Variants in PDS5B observed in about 807,000 individuals in gnomAD.
PDS5B encodes sister chromatid cohesion protein PDS5 homolog B.
Under a neutral mutation model 184.1 loss-of-function variants are expected in PDS5B, and 51 were observed. That is an observed-to-expected ratio of 0.28 (90% CI 0.22 to 0.35). PDS5B has a LOEUF of 0.35. Ranked by LOEUF, PDS5B falls within the 10% of genes least tolerant of loss-of-function variation. The pLI is 1.00. For missense variants in PDS5B, 1,180 were observed against 1,723.3 expected, an observed-to-expected ratio of 0.68 and a Z score of 5.58; for synonymous variants, 566 against 569.2, an observed-to-expected ratio of 0.99 and a Z score of 0.08.
At chr13:32,658,667 CAT>C (rs1950574343) in intron 5 of PDS5B, 136 bp downstream of exon 5, 3 of 545,742 alleles carry the variant, frequency 5.5e-6, no homozygotes, top group Admixed American at 3.6e-5. Flanking sequence ...TATTTTTATA[CAT>C]GTTTCAAAAA....
chr13:32,697,298 A>G (rs1951734115), intron 15 of PDS5B, among the ~76,000 whole-genome samples: 2 of 152,224 alleles, frequency 1.3e-5, no homozygotes, highest in African/African-American at 2.4e-5. Flanking sequence ...AGTAAATGCA[A>G]AAGGATTATG....
At position 32,721,249 on chromosome 13, in the gene PDS5B, G is replaced by A. The variant is rs1002686154; in HGVS notation, c.2124-10852G>A. On this transcript the variant is annotated intron_variant, in intron 19 of 34. Transcript: ENST00000315596. The stretch of plus-strand genomic sequence containing the variant: ...AGAGGCGACCCCCACCTCCCAGACG[G>A]GGTGGCTGCCGGGCGGGGGCGCCCC... Among the ~76,000 whole-genome samples, 3 of 151,666 alleles carry A rather than the reference G, an allele frequency of 2.0e-5. 1 individual carries two copies. Among genetic ancestry groups the A allele is most frequent in the Admixed American group, 2.0e-4 (3 of 15,252 alleles).
intron 19 of PDS5B, among the ~76,000 whole-genome samples, chr13:32,717,799 TTC>T (rs976526311): frequency 1.3e-5 from 2 of 149,966 alleles, no homozygotes; most frequent in Non-Finnish European, 3.0e-5. Flanking sequence ...GGAATTCTAA[TTC>T]TTTTAATTGT....
Position 32,770,567 on chromosome 13 carries a change from A to G in PDS5B, c.4064+7A>G. On this transcript the variant is annotated splice_region_variant and intron_variant, in intron 32 of 34. Coordinates refer to ENST00000315596, the MANE Select transcript of PDS5B (RefSeq NM_015032.4). ...CAAGGAGAGCACAGCAGAGGTAAGC[A>G]TGTGTAACTCTAAACTGCATCTGTT... is the stretch of plus-strand genomic sequence containing the variant. 4 of 1,603,684 alleles carry G rather than the reference A, an allele frequency of 2.5e-6. No individual in the cohort carries two copies. Among genetic ancestry groups the G allele is most frequent in the Non-Finnish European group, 3.4e-6 (4 of 1,176,848 alleles).
chr13:32,723,137 A>G (rs1366631050), intron 19 of PDS5B, among the ~76,000 whole-genome samples: 2 of 149,002 alleles, frequency 1.3e-5, no homozygotes, highest in African/African-American at 5.2e-5. Context: ...ACTGAGAGCT[A>G]TGTGACTGTT....
intron 19 of PDS5B, among the ~76,000 whole-genome samples, chr13:32,727,581 T>C (rs930231130): frequency 6.6e-6 from 1 of 152,120 alleles, no homozygotes; most frequent in Non-Finnish European, 1.5e-5. Context: ...GAATATAATT[T>C]TAGGTTTACA....
At position 32,741,088 on chromosome 13, in the gene PDS5B, G is replaced by T; in HGVS notation, c.2415G>T (p.Gly805=). Residue 805 remains glycine (G), a synonymous_variant, in exon 22 of 35, where the codon GGG becomes GGT. Coordinates refer to ENST00000315596, the MANE Select transcript of PDS5B (RefSeq NM_015032.4). The part of the protein sequence containing the change: ...KDLLMNDRLP[G]KKTTKLWVPD... ...TTCTCGTTTATTTTTAGCTTCCAGG[G>T]AAAAAGACAACTAAACTTTGGGTTC... The T allele has an allele frequency of 6.4e-7, 1 of 1,556,564 alleles. No individual in the cohort carries two copies. Among genetic ancestry groups the T allele is most frequent in the South Asian group, 1.2e-5 (1 of 85,648 alleles).
At chr13:32,616,220 A>G (rs953795034) in intron 1 of PDS5B, among the ~76,000 whole-genome samples, 6 of 151,740 alleles carry the variant, frequency 4.0e-5, no homozygotes, top group Admixed American at 3.3e-4. Context: ...CACCCAGCTA[A>G]TTTTTTGTAT....
intron 24 of PDS5B, among the ~76,000 whole-genome samples, chr13:32,748,794 A>G (rs2035103003): frequency 6.6e-6 from 1 of 152,088 alleles, no homozygotes; most frequent in South Asian, 2.1e-4. Context: ...ATAAATCTGA[A>G]TGGCATTTCT....
chr13:32,732,202 C>T lies in PDS5B; in HGVS notation c.2225C>T (p.Thr742Ile), dbSNP rs1247813471. The change falls in exon 20 of 35, where the codon ACC (threonine) becomes ATC (isoleucine). Residue 742 changes from threonine (T) to isoleucine (I), a missense_variant. Transcript: ENST00000315596. ...CATGCGATATTTTCTAGTAAAGAGA[C>T]CCAGTTTGCACAGATATTTGAGGTA... ...CIHAIFSSKE[T>I]QFAQIFEPLH... is the part of the protein sequence containing the mutation. 2 of 1,608,212 alleles carry T rather than the reference C, an allele frequency of 1.2e-6. No homozygotes were observed. The highest frequency in any genetic ancestry group is 1.7e-6 in the Non-Finnish European group (2 of 1,176,246).
chr13:32,660,412 G>C (rs1368827376), intron 6 of PDS5B, among the ~76,000 whole-genome samples: 2 of 152,216 alleles, frequency 1.3e-5, no homozygotes, highest in Admixed American at 1.3e-4. Context: ...TCTACTGCCT[G>C]TGTGCTCAGG....
At chr13:32,696,963 T>C (rs1263056053) in intron 15 of PDS5B, 61 bp downstream of exon 15, 1 of 1,061,194 alleles carries the variant, frequency 9.4e-7, no homozygotes, top group African/African-American at 1.6e-5. Flanking sequence ...TTTATAATTT[T>C]AAGTGTTTCA....
At chr13:32,686,616 C>CA (rs762794164) in intron 11 of PDS5B, among the ~76,000 whole-genome samples, 1 of 151,890 alleles carries the variant, frequency 6.6e-6, no homozygotes, top group East Asian at 1.9e-4. Flanking sequence ...CCTGTTTCTA[C>CA]AAAAAACAAA....
At chr13:32,722,129 C>A (rs1434154690) in intron 19 of PDS5B, among the ~76,000 whole-genome samples, 2 of 152,330 alleles carry the variant, frequency 1.3e-5, no homozygotes, top group South Asian at 2.1e-4. Context: ...CCGAGGCGGG[C>A]AGATCACTTG....
intron 33 of PDS5B, 143 bp downstream of exon 33, chr13:32,770,904 C>G: frequency 3.1e-6 from 2 of 639,942 alleles, no homozygotes; most frequent in South Asian, 4.1e-5. Flanking sequence ...TATAAACTTA[C>G]CTTAGTGATT....
At chr13:32,639,327 A>G (rs1024872269) in intron 1 of PDS5B, among the ~76,000 whole-genome samples, 1 of 152,184 alleles carries the variant, frequency 6.6e-6, no homozygotes, top group African/African-American at 2.4e-5. Flanking sequence ...ATAAACATTA[A>G]CAAAAATATG....
chr13:32,605,612 A>C (rs924605354), intron 1 of PDS5B, among the ~76,000 whole-genome samples: 1 of 152,142 alleles, frequency 6.6e-6, no homozygotes, highest in East Asian at 1.9e-4. Context: ...GGTTAGTTCA[A>C]GTCCTGGATA....
chr13:32,766,253 C>T lies in PDS5B; in HGVS notation c.3624+1659C>T, dbSNP rs921280395. Among the ~76,000 whole-genome samples, 11 of 152,296 alleles carry T rather than the reference C, an allele frequency of 7.2e-5. No individual in the cohort carries two copies. In the East Asian group the frequency reaches 1.7e-3, roughly 24 times the overall value. On this transcript the variant is annotated intron_variant, in intron 31 of 34. Coordinates refer to ENST00000315596, the MANE Select transcript of PDS5B (RefSeq NM_015032.4). ...TACACTTATACCTTGGTGTTCCCAT[C>T]CCCCAAAAGTTGGGAAACATGGTTT...
At chr13:32,621,582 C>T (rs1257997866) in intron 1 of PDS5B, among the ~76,000 whole-genome samples, 1 of 152,130 alleles carries the variant, frequency 6.6e-6, no homozygotes, top group African/African-American at 2.4e-5. Flanking sequence ...CCTGATGTTT[C>T]TTTTTGGGAA....
Sources: allele counts gnomAD v4.1 joint callset (sites outside exome capture counted in the v4.1 genomes callset), GRCh38; gene constraint gnomAD v4.1.1; transcripts MANE v1.5; gene names NCBI Gene and HGNC (gene_info 2026-07-23, HGNC 2026-07-21).